The following MIB1 variants were observed in gnomAD, a reference collection of about 807,000 sequenced individuals.
MIB1 encodes E3 ubiquitin-protein ligase MIB1.
MIB1 carries 278 observed loss-of-function variants against 124.5 expected under a neutral mutation model. The ratio of observed to expected loss-of-function variants is 2.23; its 90% CI spans 2.02 to 2.47. The LOEUF (loss-of-function observed/expected upper bound fraction) is 2.47. Among genes scored for constraint, MIB1 ranks in the 30% most tolerant of loss-of-function variants. The pLI is 0.00. For missense variants in MIB1, 957 were observed against 1,254.4 expected, an observed-to-expected ratio of 0.76 and a Z score of 3.58; for synonymous variants, 446 against 429.4, an observed-to-expected ratio of 1.04 and a Z score of -0.48.
chr18:21,723,585 G>A (rs767270532), intron 1 of MIB1, among the ~76,000 whole-genome samples: 4 of 151,672 alleles, frequency 2.6e-5, no homozygotes, highest in African/African-American at 9.7e-5. Context: ...GTGCTATCTC[G>A]GCTCACTGCA....
At chr18:21,839,884 G>A (rs779944541) in intron 13 of MIB1, among the ~76,000 whole-genome samples, 6 of 152,050 alleles carry the variant, frequency 3.9e-5, no homozygotes, top group Non-Finnish European at 7.4e-5. Flanking sequence ...AGCTTTTTGC[G>A]GATGTTATTA....
At chr18:21,725,064 C>T (rs1181041309) in intron 1 of MIB1, among the ~76,000 whole-genome samples, 2 of 135,756 alleles carry the variant, frequency 1.5e-5, no homozygotes. Flanking sequence ...CACTGCACTC[C>T]AGCCTGGGTG....
intron 12 of MIB1, chr18:21,826,853 G>A (rs900112481): frequency 2.0e-5 from 3 of 152,058 alleles, no homozygotes; most frequent in Admixed American, 6.6e-5. Context: ...TATATTCTGC[G>A]TCTGTTGGTT....
intron 1 of MIB1, among the ~76,000 whole-genome samples, chr18:21,755,349 T>A (rs75223712): frequency 1.4e-5 from 2 of 147,452 alleles, no homozygotes; most frequent in South Asian, 4.2e-4. Flanking sequence ...TTTTTTTTTT[T>A]GAGACAGAGT....
chr18:21,819,647 GT>G lies in MIB1; in HGVS notation c.1829+2del. The G allele has an allele frequency of 6.6e-7, 1 of 1,524,274 alleles. No homozygotes were observed. Among genetic ancestry groups the G allele is most frequent in the Non-Finnish European group, 8.8e-7 (1 of 1,132,280 alleles). The allele number at this position is 1,524,274 out of a possible 1,614,324, so 94.4% of individuals were successfully genotyped here. A position where few individuals can be genotyped will look rare whatever the true frequency, so the allele number is the denominator to read the frequency against. On this transcript the variant is annotated splice_donor_variant, in intron 12 of 20. Transcript: ENST00000261537. LOFTEE classifies it high-confidence loss of function. Reference sequence around the variant, plus strand: ...ATGCTGCACTAAGGGGAAATCCCAGGTATGTCACCCCTTACTATTTTAGGTG... The same window carrying G: ...ATGCTGCACTAAGGGGAAATCCCAGGATGTCACCCCTTACTATTTTAGGTG...
chr18:21,720,669 C>T (rs1168855612), intron 1 of MIB1, among the ~76,000 whole-genome samples: 1 of 152,032 alleles, frequency 6.6e-6, no homozygotes, highest in Non-Finnish European at 1.5e-5. Context: ...GAGTTACAAG[C>T]CTGGCACGGT....
At chr18:21,803,357 CACA>C (rs1386825204) in intron 9 of MIB1, among the ~76,000 whole-genome samples, 7 of 152,106 alleles carry the variant, frequency 4.6e-5, no homozygotes, top group Non-Finnish European at 8.8e-5. Context: ...TATACATGTC[CACA>C]ACATCTGAAG....
intron 4 of MIB1, among the ~76,000 whole-genome samples, chr18:21,775,385 G>A (rs937784669): frequency 1.4e-4 from 22 of 152,090 alleles, no homozygotes; most frequent in Admixed American, 1.3e-3. Context: ...GACTGTAGGC[G>A]TGTGCCACCA....
chr18:21,845,129 G>C (rs992868559), intron 15 of MIB1, among the ~76,000 whole-genome samples: 1 of 151,950 alleles, frequency 6.6e-6, no homozygotes, highest in Non-Finnish European at 1.5e-5. Context: ...TCCTGCCTCA[G>C]CCTCCCAAGT....
At chr18:21,853,603 C>T (rs1416746561) in intron 18 of MIB1, among the ~76,000 whole-genome samples, 1 of 152,202 alleles carries the variant, frequency 6.6e-6, no homozygotes, top group East Asian at 1.9e-4. Flanking sequence ...CTCCTGTGTA[C>T]TTTCCTCACT....
chr18:21,784,417 CA>C (rs1353132745), intron 6 of MIB1, among the ~76,000 whole-genome samples: 1 of 152,122 alleles, frequency 6.6e-6, no homozygotes, highest in Admixed American at 6.5e-5. Flanking sequence ...TTACAAAAAA[CA>C]TCTTATATGT....
At chr18:21,789,052 A>G (rs1160823168) in intron 6 of MIB1, among the ~76,000 whole-genome samples, 1 of 152,210 alleles carries the variant, frequency 6.6e-6, no homozygotes, top group East Asian at 1.9e-4. Context: ...GGCTGCTATA[A>G]CAAATTACCA....
At position 21,779,506 on chromosome 18, in the gene MIB1, T is replaced by A. The variant is rs1170195244; in HGVS notation, c.729T>A (p.Pro243=). Residue 243 remains proline (P), a synonymous_variant, in exon 6 of 21, where the codon CCT becomes CCA. Transcript: ENST00000261537. ...GTGAGCAGAATGGCAACAGGAATCC[T>A]GGTGGATTGCAGATTGGTGACCTGG... is the stretch of plus-strand genomic sequence containing the variant. ...VLGEQNGNRN[P]GGLQIGDLVN... 6.2e-7 allele frequency: 1 copy of A among 1,613,972 alleles called. No homozygotes were observed. The highest frequency in any genetic ancestry group is 8.5e-7 in the Non-Finnish European group (1 of 1,179,978).
chr18:21,846,928 CTT>C lies in MIB1; in HGVS notation c.2212-14_2212-13del, dbSNP rs1420669135. 1.9e-6 allele frequency: 3 copies of C among 1,611,098 alleles called. No homozygotes were observed. In the East Asian group the frequency reaches 6.7e-5, roughly 36 times the overall value. On this transcript the variant is annotated splice_polypyrimidine_tract_variant and intron_variant, in intron 15 of 20. Transcript: ENST00000261537. ...GATTCCTAGAGGGAAAATCATGACT[CTT>C]TATTTTATTGCAGTTAATAATGGGA... is the stretch of plus-strand genomic sequence containing the variant.
In MIB1 at chr18:21,753,555, TAGTA is replaced by T. The variant is rs201318623; in HGVS notation, c.229+11747_229+11750del. ...TTCATTTTTGAAAATTTCAGTTTAA[TAGTA>T]AGTCAAGTCTAAGTTTTGTTTGTTT... is the stretch of plus-strand genomic sequence containing the variant. On this transcript the variant is annotated intron_variant, in intron 1 of 20. Transcript: ENST00000261537. Among the ~76,000 whole-genome samples the T allele has an allele frequency of 9.8e-3, 1,488 of 152,270 alleles. 22 individuals carry two copies. Among genetic ancestry groups the T allele is most frequent in the African/African-American group, 0.033 (1,373 of 41,546 alleles).
chr18:21,742,152 G>T (rs2040861101), intron 1 of MIB1, among the ~76,000 whole-genome samples: 1 of 152,144 alleles, frequency 6.6e-6, no homozygotes, highest in Admixed American at 6.5e-5. Flanking sequence ...TATCTAATAA[G>T]CCATTGAAAT....
At chr18:21,802,172 G>T (rs996498475) in intron 9 of MIB1, among the ~76,000 whole-genome samples, 1 of 152,058 alleles carries the variant, frequency 6.6e-6, no homozygotes, top group African/African-American at 2.4e-5. Flanking sequence ...CATGTACGCT[G>T]TTTTTTCTCT....
chr18:21,843,307 A>G, intron 14 of MIB1, 90 bp downstream of exon 14: 1 of 790,282 alleles, frequency 1.3e-6, no homozygotes. Flanking sequence ...ATACAGTGTT[A>G]CATGTCTCAA....
chr18:21,748,990 C>T (rs2040944016), intron 1 of MIB1, among the ~76,000 whole-genome samples: 1 of 152,052 alleles, frequency 6.6e-6, no homozygotes, highest in African/African-American at 2.4e-5. Context: ...GATCCTTCAA[C>T]CTCAGCATCC....
Sources: gnomAD v4.1 joint callset for allele counts (sites outside exome capture counted in the v4.1 genomes callset) on GRCh38, gnomAD v4.1.1 for gene constraint, MANE v1.5 for transcripts, NCBI Gene and HGNC (gene_info 2026-07-23, HGNC 2026-07-21) for gene names.